The following DCC variants were observed in gnomAD, a reference collection of about 807,000 sequenced individuals.
The protein encoded by DCC is netrin receptor DCC.
DCC carries 58 observed loss-of-function variants against 172.5 expected under a neutral mutation model. The ratio of observed to expected loss-of-function variants is 0.34; its 90% CI spans 0.27 to 0.42. DCC has a LOEUF of 0.42. Among genes scored for constraint, DCC ranks in the 10% least tolerant of loss-of-function variants. DCC has a pLI of 1.00. For synonymous variants in DCC, 709 were observed against 644.5 expected (o/e 1.10, Z -1.52); for missense variants, 1,740 against 1,791.0 (o/e 0.97, Z 0.51).
chr18:52,969,764 A>T (rs996626187), intron 5 of DCC, among the ~76,000 whole-genome samples: 8 of 152,156 alleles, frequency 5.3e-5, no homozygotes, highest in Admixed American at 3.9e-4. Flanking sequence ...TTTAAATTAG[A>T]TGAATTATAT....
At chr18:52,369,795 T>C (rs762842285) in intron 1 of DCC, among the ~76,000 whole-genome samples, 2 of 152,020 alleles carry the variant, frequency 1.3e-5, no homozygotes, top group Non-Finnish European at 2.9e-5. Context: ...TCAGAGAAAT[T>C]TGAATGCAAT....
At chr18:52,812,850 G>GA (rs555098263) in intron 2 of DCC, among the ~76,000 whole-genome samples, 241 of 152,320 alleles carry the variant, frequency 1.6e-3, no homozygotes, top group Non-Finnish European at 2.8e-3. Flanking sequence ...CTGAGAATTT[G>GA]ATAGTGTATC....
intron 2 of DCC, among the ~76,000 whole-genome samples, chr18:52,854,997 T>C (rs1229008624): frequency 6.6e-6 from 1 of 152,200 alleles, no homozygotes; most frequent in Non-Finnish European, 1.5e-5. Flanking sequence ...AAGCAGCCTC[T>C]ACACTCTGTT....
chr18:52,358,274 C>T (rs1984466847), intron 1 of DCC, among the ~76,000 whole-genome samples: 1 of 152,142 alleles, frequency 6.6e-6, no homozygotes, highest in Non-Finnish European at 1.5e-5. Flanking sequence ...CTTGGCTGTG[C>T]ATTGTCCGTA....
At chr18:53,242,966 A>G (rs1201522987) in intron 12 of DCC, among the ~76,000 whole-genome samples, 1 of 151,992 alleles carries the variant, frequency 6.6e-6, no homozygotes, top group African/African-American at 2.4e-5. Flanking sequence ...TCATTTTGAG[A>G]TATGGCAGTA....
chr18:52,831,613 T>C (rs917747560), intron 2 of DCC, among the ~76,000 whole-genome samples: 3 of 151,770 alleles, frequency 2.0e-5, no homozygotes, highest in African/African-American at 7.3e-5. Flanking sequence ...AGAACTATTA[T>C]GACAAGATTT....
chr18:52,447,686 T>A (rs932291316), intron 1 of DCC, among the ~76,000 whole-genome samples: 2 of 152,140 alleles, frequency 1.3e-5, no homozygotes, highest in Non-Finnish European at 2.9e-5. Flanking sequence ...CTGCTCAGCT[T>A]CTGGGAAGGC....
chr18:52,585,075 C>T (rs11662179), intron 1 of DCC, among the ~76,000 whole-genome samples: 22,335 of 152,162 alleles, frequency 0.15, 1,671 homozygotes, highest in South Asian at 0.2. Context: ...ACAAAGCACA[C>T]GCTCACTGGG....
chr18:53,465,061 A>G, intron 24 of DCC, among the ~76,000 whole-genome samples: 1 of 151,944 alleles, frequency 6.6e-6, no homozygotes, highest in East Asian at 1.9e-4. Context: ...TGGAGTGGCA[A>G]GAAGAAGCAC....
chr18:52,340,713 C>T lies in DCC; in HGVS notation c.-75C>T, dbSNP rs1983589318. 3 of 1,011,706 alleles carry T rather than the reference C, an allele frequency of 3.0e-6. No homozygotes were observed. The highest frequency in any genetic ancestry group is 2.5e-5 in the South Asian group (2 of 79,078). 62.7% of individuals were successfully genotyped at this position (1,011,706 alleles called of 1,614,324 possible). On this transcript the variant is annotated 5_prime_UTR_variant, in exon 1 of 29. Transcript: ENST00000442544. ...CTCGGCGCGTGTGTGTGCATGTGTG[C>T]ATGCGTGTGTGAGTGCATGTGTGTG...
chr18:52,353,380 G>A (rs1469569741), intron 1 of DCC, among the ~76,000 whole-genome samples: 2 of 152,004 alleles, frequency 1.3e-5, no homozygotes, highest in Non-Finnish European at 2.9e-5. Flanking sequence ...CAGACCCAGG[G>A]AAAAAGAAAG....
At chr18:53,512,835 T>C (rs903416226) in intron 27 of DCC, among the ~76,000 whole-genome samples, 1 of 151,804 alleles carries the variant, frequency 6.6e-6, no homozygotes, top group Non-Finnish European at 1.5e-5. Context: ...CTACGTCTGA[T>C]TGGTGTACCT....
At chr18:52,924,045 G>A (rs1037380986) in intron 4 of DCC, among the ~76,000 whole-genome samples, 188 bp downstream of exon 4, 1 of 152,194 alleles carries the variant, frequency 6.6e-6, no homozygotes, top group African/African-American at 2.4e-5. Flanking sequence ...GAGAAGATGA[G>A]GAAAAGATCA....
At chr18:53,491,463 C>A (rs1219208842) in intron 26 of DCC, among the ~76,000 whole-genome samples, 7 of 151,978 alleles carry the variant, frequency 4.6e-5, no homozygotes, top group Non-Finnish European at 1.0e-4. Flanking sequence ...CTGCACCCAC[C>A]AACCCATCAT....
At chr18:52,838,556 T>C (rs972558986) in intron 2 of DCC, among the ~76,000 whole-genome samples, 1 of 152,108 alleles carries the variant, frequency 6.6e-6, no homozygotes, top group Admixed American at 6.5e-5. Flanking sequence ...AAGAAATCGA[T>C]TATTATTCTA....
At chr18:52,684,286 C>T (rs1013779398) in intron 1 of DCC, among the ~76,000 whole-genome samples, 2 of 151,982 alleles carry the variant, frequency 1.3e-5, no homozygotes, top group Non-Finnish European at 2.9e-5. Flanking sequence ...GTGGGGTTAG[C>T]GAGTTTGATG....
At chr18:52,589,180 A>C (rs1651949589) in intron 1 of DCC, among the ~76,000 whole-genome samples, 1 of 152,224 alleles carries the variant, frequency 6.6e-6, no homozygotes, top group Non-Finnish European at 1.5e-5. Context: ...CAGAAGGGCT[A>C]TTAGGATCTG....
chr18:53,249,136 G>A (rs185135063), intron 12 of DCC, among the ~76,000 whole-genome samples: 77 of 152,054 alleles, frequency 5.1e-4, no homozygotes, highest in African/African-American at 1.7e-3. Context: ...AGGCATGAAC[G>A]TGTAATGTGG....
At chr18:53,332,914 TTA>T (rs1405202473) in intron 14 of DCC, among the ~76,000 whole-genome samples, 1 of 151,980 alleles carries the variant, frequency 6.6e-6, no homozygotes, top group African/African-American at 2.4e-5. Flanking sequence ...AAATTTTCTT[TTA>T]AAAATTAGCC....
Sources: gnomAD v4.1 joint callset for allele counts (sites outside exome capture counted in the v4.1 genomes callset) on GRCh38, gnomAD v4.1.1 for gene constraint, MANE v1.5 for transcripts, NCBI Gene and HGNC (gene_info 2026-07-23, HGNC 2026-07-21) for gene names.